The following GRB10 variants were observed in gnomAD, a reference collection of about 807,000 sequenced individuals.
GRB10 encodes the protein growth factor receptor bound protein 10.
In GRB10, 20 loss-of-function variants were observed where a neutral mutation model predicts 80.9. The ratio of observed to expected loss-of-function variants is 0.25; its 90% CI spans 0.17 to 0.36. The LOEUF (loss-of-function observed/expected upper bound fraction) is 0.36. GRB10 is among the 10% of genes least tolerant of loss of function. GRB10 has a pLI of 1.00. For missense variants in GRB10, 548 were observed against 747.7 expected (o/e 0.73, Z 3.12); for synonymous variants, 291 against 291.5 (o/e 1.00, Z 0.02).
intron 10 of GRB10, 95 bp downstream of exon 10, chr7:50,617,976 G>A (rs988451420): frequency 3.4e-5 from 35 of 1,042,952 alleles, no homozygotes; most frequent in East Asian, 7.1e-5. Context: ...TGAAAGATGC[G>A]ATCTCTTTAG....
At chr7:50,629,931 G>T (rs2053698394) in intron 7 of GRB10, among the ~76,000 whole-genome samples, 2 of 152,218 alleles carry the variant, frequency 1.3e-5, no homozygotes, top group African/African-American at 4.8e-5. Flanking sequence ...TTGTCCCGCA[G>T]CAACTCACAG....
chr7:50,652,315 C>T (rs543103437), intron 7 of GRB10, among the ~76,000 whole-genome samples: 1 of 152,298 alleles, frequency 6.6e-6, no homozygotes, highest in South Asian at 2.1e-4. Context: ...CTTCTAGGTT[C>T]CCATCAGGGC....
At chr7:50,758,965 G>T (rs561793823) in intron 2 of GRB10, among the ~76,000 whole-genome samples, 1 of 149,540 alleles carries the variant, frequency 6.7e-6, no homozygotes, top group African/African-American at 2.5e-5. Flanking sequence ...CTAGAAGACT[G>T]CTTGAGCTCA....
At chr7:50,764,257 A>T (rs2076093378) in intron 2 of GRB10, among the ~76,000 whole-genome samples, 1 of 152,108 alleles carries the variant, frequency 6.6e-6, no homozygotes, top group African/African-American at 2.4e-5. Flanking sequence ...CCCTCTCCAC[A>T]TGGGTCTATA....
chr7:50,612,933 C>T (rs2049846027), intron 12 of GRB10, 94 bp from the exon 13 acceptor site: 2 of 800,238 alleles, frequency 2.5e-6, no homozygotes, highest in Non-Finnish European at 4.4e-6. Context: ...AAACCAGAGA[C>T]AACCAGCTGG....
At chr7:50,752,092 C>T (rs946770933) in intron 3 of GRB10, among the ~76,000 whole-genome samples, 19 of 152,152 alleles carry the variant, frequency 1.2e-4, no homozygotes, top group African/African-American at 4.6e-4. Context: ...GAAGCTCATA[C>T]AAAACCACAG....
At chr7:50,790,886 T>A (rs2078884311) in intron 1 of GRB10, among the ~76,000 whole-genome samples, 2 of 152,180 alleles carry the variant, frequency 1.3e-5, no homozygotes, top group African/African-American at 4.8e-5. Context: ...CCCGGAAAGA[T>A]CACCAAAATC....
At chr7:50,638,158 GA>G (rs773031136) in intron 7 of GRB10, among the ~76,000 whole-genome samples, 5 of 152,136 alleles carry the variant, frequency 3.3e-5, no homozygotes, top group Non-Finnish European at 5.9e-5. Context: ...TGTAAGACTG[GA>G]AACTATAAAA....
chr7:50,658,113 C>T (rs1217601400), intron 7 of GRB10, among the ~76,000 whole-genome samples: 1 of 152,230 alleles, frequency 6.6e-6, no homozygotes, highest in Non-Finnish European at 1.5e-5. Flanking sequence ...TTATCCTAAA[C>T]TGGGTGGACC....
At chr7:50,629,145 G>A (rs546445417) in intron 7 of GRB10, among the ~76,000 whole-genome samples, 2 of 152,276 alleles carry the variant, frequency 1.3e-5, no homozygotes, top group South Asian at 4.1e-4. Flanking sequence ...TATCTGCACT[G>A]AGGATACATG....
intron 2 of GRB10, among the ~76,000 whole-genome samples, chr7:50,763,821 A>C (rs2153706256): frequency 6.6e-6 from 1 of 152,274 alleles, no homozygotes; most frequent in South Asian, 2.1e-4. Flanking sequence ...CCTCATCTGA[A>C]CTGGGACTCA....
intron 2 of GRB10, among the ~76,000 whole-genome samples, chr7:50,770,429 G>A (rs2076875319): frequency 6.6e-6 from 1 of 152,126 alleles, no homozygotes; most frequent in Non-Finnish European, 1.5e-5. Flanking sequence ...TCAGTGAGGG[G>A]GTGTTGCAGC....
rs572974559 is a variant in GRB10 at position 50,683,546 on chromosome 7, G to A, written c.140-8888C>T. 7.4e-4 allele frequency among the ~76,000 whole-genome samples: 113 copies of A among 152,244 alleles called. 1 individual carries two copies. Among genetic ancestry groups the A allele is most frequent in the African/African-American group, 2.6e-3 (109 of 41,564 alleles). On this transcript the variant is annotated intron_variant, in intron 5 of 18. Transcript: ENST00000401949. The stretch of plus-strand genomic sequence containing the variant: ...GAGGTCAGGAGTTCGAGACCAGCCT[G>A]ATCAACATGGCGAAACCCTGTCTCT...
chr7:50,664,460 T>C (rs1353371706), intron 7 of GRB10, among the ~76,000 whole-genome samples: 1 of 152,222 alleles, frequency 6.6e-6, no homozygotes, highest in African/African-American at 2.4e-5. Context: ...CAGGGTCCTC[T>C]GCAGTGTGTC....
intron 3 of GRB10, among the ~76,000 whole-genome samples, chr7:50,738,418 G>A (rs892487535): frequency 6.6e-6 from 1 of 152,166 alleles, no homozygotes; most frequent in African/African-American, 2.4e-5. Context: ...TTCATCAACA[G>A]ACAAACAAAA....
At chr7:50,625,839 G>T (rs1379313192) in intron 8 of GRB10, among the ~76,000 whole-genome samples, 1 of 152,196 alleles carries the variant, frequency 6.6e-6, no homozygotes. Context: ...GGCTTAAATT[G>T]TATAATATTA....
intron 7 of GRB10, among the ~76,000 whole-genome samples, chr7:50,634,699 A>G (rs1286934573): frequency 6.6e-6 from 1 of 152,236 alleles, no homozygotes; most frequent in Non-Finnish European, 1.5e-5. Flanking sequence ...GGAAAAATAT[A>G]TATCATGCAA....
At chr7:50,646,753 C>G (rs2057260319) in intron 7 of GRB10, among the ~76,000 whole-genome samples, 1 of 152,222 alleles carries the variant, frequency 6.6e-6, no homozygotes, top group Non-Finnish European at 1.5e-5. Flanking sequence ...ATGCTAGCTT[C>G]TAATGCATTC....
chr7:50,604,501 C>T, intron 15 of GRB10, 124 bp from the exon 16 acceptor site: 4 of 825,130 alleles, frequency 4.8e-6, no homozygotes, highest in Non-Finnish European at 8.5e-6. Context: ...GGGACCTTGC[C>T]CCATCTGAAG....
Sources: gnomAD v4.1 joint callset for allele counts (sites outside exome capture counted in the v4.1 genomes callset) on GRCh38, gnomAD v4.1.1 for gene constraint, MANE v1.5 for transcripts, NCBI Gene and HGNC (gene_info 2026-07-23, HGNC 2026-07-21) for gene names.